Variants in PLA2G4A observed in about 807,000 individuals in gnomAD.
PLA2G4A encodes the protein cytosolic phospholipase A2.
Under a neutral mutation model 81.9 loss-of-function variants are expected in PLA2G4A, and 40 were observed. That is an observed-to-expected ratio of 0.49 (90% CI 0.38 to 0.64). The LOEUF (loss-of-function observed/expected upper bound fraction) is 0.64, where lower values mean the gene tolerates loss of function less well. PLA2G4A is among the 30% of genes least tolerant of loss of function. The pLI, the probability that PLA2G4A is intolerant of heterozygous loss-of-function variation, is 0.00. For missense variants in PLA2G4A, 715 were observed against 905.1 expected, an observed-to-expected ratio of 0.79 and a Z score of 2.69; for synonymous variants, 302 against 296.9, an observed-to-expected ratio of 1.02 and a Z score of -0.18.
chr1:186,879,846 T>C (rs1232645521), intron 3 of PLA2G4A, among the ~76,000 whole-genome samples: 1 of 47,454 alleles, frequency 2.1e-5, no homozygotes, highest in East Asian at 4.1e-4. Context: ...TATATATATA[T>C]TTTTTTATTA....
chr1:186,838,244 A>C (rs1451208557), intron 1 of PLA2G4A, among the ~76,000 whole-genome samples: 3 of 152,208 alleles, frequency 2.0e-5, no homozygotes, highest in Middle Eastern at 3.2e-3. Flanking sequence ...TTAAATGCTA[A>C]GAGCAAAGAA....
intron 14 of PLA2G4A, among the ~76,000 whole-genome samples, chr1:186,958,952 AAAT>A (rs1238160175): frequency 6.6e-6 from 1 of 152,196 alleles, no homozygotes; most frequent in East Asian, 1.9e-4. Flanking sequence ...GATGTACACT[AAAT>A]AATTATTTGT....
intron 8 of PLA2G4A, among the ~76,000 whole-genome samples, chr1:186,938,778 A>G (rs142071788): frequency 1.3e-5 from 2 of 152,254 alleles, no homozygotes; most frequent in African/African-American, 4.8e-5. Flanking sequence ...TGGACTGTGG[A>G]TGAAAGTTCA....
Position 186,893,150 on chromosome 1 carries a change from T to A in PLA2G4A, c.255T>A (p.Asn85Lys). The part of the protein sequence containing the change: ...FEFILDPNQE[N>K]VLEITLMDAN... ...TTATTTTGGATCCTAATCAGGAAAA[T>A]GTTTTGGAGGTAAGTGAACCATTTG... Residue 85 changes from asparagine to lysine, a missense_variant, in exon 4 of 18, where the codon AAT becomes AAA. Physicochemically the swap from Asn to Lys is moderately conservative, Grantham distance 94 (BLOSUM62 0). Coordinates refer to ENST00000367466, the MANE Select transcript of PLA2G4A (RefSeq NM_024420.3). 6.2e-7 allele frequency: 1 copy of A among 1,612,528 alleles called. No homozygotes were observed. The highest frequency in any genetic ancestry group is 8.5e-7 in the Non-Finnish European group (1 of 1,178,670).
intron 7 of PLA2G4A, among the ~76,000 whole-genome samples, chr1:186,929,396 A>G (rs1655659672): frequency 6.6e-6 from 1 of 152,238 alleles, no homozygotes; most frequent in African/African-American, 2.4e-5. Context: ...TGACACATCT[A>G]ATTTCCCATT....
chr1:186,972,638 T>C (rs182015876), intron 15 of PLA2G4A, among the ~76,000 whole-genome samples: 1 of 152,294 alleles, frequency 6.6e-6, no homozygotes, highest in East Asian at 1.9e-4. Flanking sequence ...GCTCAGTTTT[T>C]CAGTGCTCAT....
At chr1:186,961,898 C>A (rs1248562109) in intron 14 of PLA2G4A, among the ~76,000 whole-genome samples, 1 of 152,116 alleles carries the variant, frequency 6.6e-6, no homozygotes. Flanking sequence ...CTGCTGTCAA[C>A]CACAGTTTGA....
At chr1:186,910,921 G>T (rs1654915027) in intron 6 of PLA2G4A, among the ~76,000 whole-genome samples, 3 of 152,170 alleles carry the variant, frequency 2.0e-5, no homozygotes, top group Admixed American at 1.3e-4. Context: ...GGGATATCCT[G>T]TGCCAAACAA....
intron 1 of PLA2G4A, among the ~76,000 whole-genome samples, chr1:186,840,066 C>T (rs1651926456): frequency 6.8e-6 from 1 of 147,402 alleles, no homozygotes; most frequent in Admixed American, 6.9e-5. Context: ...ACCTCTGCCT[C>T]CCAAGTTCAA....
intron 10 of PLA2G4A, among the ~76,000 whole-genome samples, chr1:186,943,340 A>C (rs1423614685): frequency 6.6e-6 from 1 of 152,230 alleles, no homozygotes; most frequent in African/African-American, 2.4e-5. Context: ...CGTTCATTTA[A>C]AAATTTCCAC....
rs1274204771 is a variant in PLA2G4A, at chr1:186,977,635, C to T, written c.1807C>T (p.Pro603Ser). The change falls in exon 16 of 18, where the codon CCC becomes TCC. Residue 603 changes from proline (P) to serine (S), a missense_variant. By Grantham distance (74) the Pro-to-Ser change is moderately conservative (BLOSUM62 -1). Coordinates refer to ENST00000367466, the MANE Select transcript of PLA2G4A (RefSeq NM_024420.3). ...AEKWAKMNKLPFPKIDPYVFD... is the reference protein window; with the variant it reads ...AEKWAKMNKLSFPKIDPYVFD... ...AAAGTGGGCTAAAATGAACAAGCTCCCCTTTCCAAAGATTGATCCTTATGT... is the reference window on the plus strand; with the variant it reads ...AAAGTGGGCTAAAATGAACAAGCTCTCCTTTCCAAAGATTGATCCTTATGT... The T allele has an allele frequency of 6.2e-7, 1 of 1,613,792 alleles. No individual in the cohort carries two copies. Among genetic ancestry groups the T allele is most frequent in the Admixed American group, 1.7e-5 (1 of 60,010 alleles).
intron 14 of PLA2G4A, among the ~76,000 whole-genome samples, chr1:186,960,794 G>A (rs749253100): frequency 2.0e-5 from 3 of 152,122 alleles, no homozygotes; most frequent in African/African-American, 4.8e-5. Context: ...ATTATTTGGA[G>A]GATTGGTTAG....
At chr1:186,915,014 C>G (rs1475806351) in intron 7 of PLA2G4A, among the ~76,000 whole-genome samples, 1 of 152,126 alleles carries the variant, frequency 6.6e-6, no homozygotes, top group Non-Finnish European at 1.5e-5. Flanking sequence ...AGGTAGCAAA[C>G]AAGGGAGCAG....
chr1:186,947,223 G>T (rs550061811), intron 12 of PLA2G4A, among the ~76,000 whole-genome samples: 1 of 151,540 alleles, frequency 6.6e-6, no homozygotes, highest in Non-Finnish European at 1.5e-5. Flanking sequence ...TTCCTTTTTC[G>T]CATTATACTG....
chr1:186,881,374 T>C (rs1653727336), intron 3 of PLA2G4A, among the ~76,000 whole-genome samples: 1 of 152,088 alleles, frequency 6.6e-6, no homozygotes, highest in Non-Finnish European at 1.5e-5. Flanking sequence ...GCTCAAGTTG[T>C]TGTAAAATCT....
intron 15 of PLA2G4A, among the ~76,000 whole-genome samples, chr1:186,974,116 T>C (rs1395671551): frequency 1.3e-5 from 2 of 151,574 alleles, no homozygotes; most frequent in African/African-American, 4.9e-5. Flanking sequence ...AATATATATT[T>C]ATATTTTTTT....
rs756938338 is a variant in PLA2G4A at position 186,979,310 on chromosome 1, T to C, written c.1961-5T>C. On this transcript the variant is annotated splice_region_variant and splice_polypyrimidine_tract_variant and intron_variant, in intron 16 of 17. Coordinates refer to ENST00000367466, the MANE Select transcript of PLA2G4A (RefSeq NM_024420.3). Reference sequence around the variant, plus strand: ...AACACCCTTTGTGACTCTTCTGGTATTTAGGTGTTCCAAGGGAAACTGAGG... The same window carrying C: ...AACACCCTTTGTGACTCTTCTGGTACTTAGGTGTTCCAAGGGAAACTGAGG... The C allele has an allele frequency of 1.9e-6, 3 of 1,605,538 alleles. No individual in the cohort carries two copies. The highest frequency in any genetic ancestry group is 2.6e-6 in the Non-Finnish European group (3 of 1,172,134).
intron 2 of PLA2G4A, among the ~76,000 whole-genome samples, chr1:186,857,302 T>C (rs981682521): frequency 8.6e-6 from 1 of 116,792 alleles, no homozygotes; most frequent in Non-Finnish European, 1.7e-5. Context: ...GTATATATTA[T>C]ATTTATATTA....
At position 186,988,792 on chromosome 1, in the gene PLA2G4A, T is replaced by C. The variant is rs1212573729; in HGVS notation, c.*284T>C. ...TATTTTTAAACATTTCTCACCAACTTTCTTATGTGTGTTCTTTTTAAAAAT... is the reference window on the plus strand; with the variant it reads ...TATTTTTAAACATTTCTCACCAACTCTCTTATGTGTGTTCTTTTTAAAAAT... On this transcript the variant is annotated 3_prime_UTR_variant, in exon 18 of 18. Transcript: ENST00000367466. 4.2e-6 allele frequency: 1 copy of C among 239,510 alleles called. No homozygotes were observed. Among genetic ancestry groups the C allele is most frequent in the Non-Finnish European group, 8.3e-6 (1 of 119,810 alleles). The allele number at this position is 239,510 out of a possible 1,614,324, so 14.8% of individuals were successfully genotyped here. A position where few individuals can be genotyped will look rare whatever the true frequency, so the allele number is the denominator to read the frequency against.
Sources: gnomAD v4.1 joint callset for allele counts (sites outside exome capture counted in the v4.1 genomes callset) on GRCh38, gnomAD v4.1.1 for gene constraint, MANE v1.5 for transcripts, NCBI Gene and HGNC (gene_info 2026-07-23, HGNC 2026-07-21) for gene names.